The following HECW2 variants were observed in gnomAD, a reference collection of about 807,000 sequenced individuals.
HECW2 encodes E3 ubiquitin-protein ligase HECW2.
A neutral mutation model predicts 175.2 loss-of-function variants in HECW2; 61 were observed. The ratio of observed to expected loss-of-function variants is 0.35; its 90% CI spans 0.28 to 0.43. The LOEUF (loss-of-function observed/expected upper bound fraction) is 0.43. Among genes scored for constraint, HECW2 ranks in the 20% least tolerant of loss-of-function variants. The pLI, the probability that HECW2 is intolerant of heterozygous loss-of-function variation, is 1.00. For missense variants in HECW2, 1,524 were observed against 2,000.5 expected (o/e 0.76, Z 4.54); for synonymous variants, 671 against 731.0 (o/e 0.92, Z 1.32).
rs770718625 is a variant in HECW2 at position 196,216,028 on chromosome 2, C to G, written c.4495-51G>C. ...GAAGGTGAAGCCAGAGACCAACAGC[C>G]AGGAAAGGCATCACGTCATTCACGG... On this transcript the variant is annotated intron_variant, in intron 27 of 28. Transcript: ENST00000644978. The G allele has an allele frequency of 4.7e-6, 6 of 1,276,390 alleles. No individual in the cohort carries two copies. In the African/African-American group the frequency reaches 5.9e-5, roughly 12 times the overall value. 79.1% of individuals were successfully genotyped at this position (1,276,390 alleles called of 1,614,324 possible).
chr2:196,537,170 T>G (rs1320378521), intron 1 of HECW2, among the ~76,000 whole-genome samples: 1 of 152,144 alleles, frequency 6.6e-6, no homozygotes, highest in South Asian at 2.1e-4. Flanking sequence ...TGAGCTTTGG[T>G]GGAAGAACCT....
At chr2:196,355,731 G>A (rs948785891) in intron 2 of HECW2, among the ~76,000 whole-genome samples, 11 of 152,210 alleles carry the variant, frequency 7.2e-5, no homozygotes, top group African/African-American at 2.2e-4. Context: ...TTGGGTAGGA[G>A]TAAAAGAGTC....
intron 19 of HECW2, among the ~76,000 whole-genome samples, chr2:196,248,587 G>C (rs6758177): frequency 1.4e-4 from 5 of 37,000 alleles, no homozygotes; most frequent in African/African-American, 2.1e-4. Flanking sequence ...GAGAGAGAGA[G>C]AGACAGACAG....
intron 6 of HECW2, among the ~76,000 whole-genome samples, chr2:196,323,823 C>T (rs1210458670): frequency 2.0e-5 from 3 of 150,692 alleles, no homozygotes; most frequent in Non-Finnish European, 2.9e-5. Flanking sequence ...TATGTGCTTT[C>T]TAGAATCATA....
At chr2:196,370,132 T>C (rs1693865719) in intron 2 of HECW2, among the ~76,000 whole-genome samples, 2 of 151,814 alleles carry the variant, frequency 1.3e-5, no homozygotes, top group African/African-American at 4.8e-5. Flanking sequence ...TGCTGGGTCA[T>C]ACCTGAAGCC....
At chr2:196,216,381 C>T (rs142148237) in intron 27 of HECW2, among the ~76,000 whole-genome samples, 4 of 152,072 alleles carry the variant, frequency 2.6e-5, no homozygotes, top group Admixed American at 1.3e-4. Context: ...ATTTTGAGGC[C>T]CAGACCCTTA....
At chr2:196,457,772 A>C (rs1696571178) in intron 1 of HECW2, among the ~76,000 whole-genome samples, 1 of 152,058 alleles carries the variant, frequency 6.6e-6, no homozygotes, top group Non-Finnish European at 1.5e-5. Flanking sequence ...CAGGTCTTTC[A>C]CTTCTATTCT....
chr2:196,235,244 C>T (rs981869464), intron 21 of HECW2, among the ~76,000 whole-genome samples: 2 of 151,858 alleles, frequency 1.3e-5, no homozygotes, highest in Admixed American at 6.6e-5. Flanking sequence ...AGTACAGGCA[C>T]TCACCACCAT....
At chr2:196,522,085 T>G (rs1380098221) in intron 1 of HECW2, among the ~76,000 whole-genome samples, 1 of 152,222 alleles carries the variant, frequency 6.6e-6, no homozygotes, top group Non-Finnish European at 1.5e-5. Context: ...TTGAACTAGT[T>G]TACAATCCCA....
At chr2:196,567,079 A>T (rs1690215587) in intron 1 of HECW2, among the ~76,000 whole-genome samples, 1 of 152,182 alleles carries the variant, frequency 6.6e-6, no homozygotes, top group Admixed American at 6.5e-5. Flanking sequence ...CTCACTGATG[A>T]AATGTTAGTG....
At chr2:196,295,888 A>G (rs1190130701) in intron 13 of HECW2, among the ~76,000 whole-genome samples, 1 of 152,212 alleles carries the variant, frequency 6.6e-6, no homozygotes, top group East Asian at 1.9e-4. Flanking sequence ...GTATGGTGCC[A>G]AACACATCTG....
chr2:196,292,703 G>T lies in HECW2; in HGVS notation c.2862C>A (p.Ile954=). The part of the protein sequence containing the change: ...FTNNTCLKHM[I]TKVRRDTHHF... ...GGTGGGTGTCCCTCCGGACTTTGGT[G>T]ATCATGTGCTTCAAACACGTGTTGT... Residue 954 remains isoleucine (I), a synonymous_variant, in exon 14 of 29, where the codon ATC becomes ATA. Transcript: ENST00000644978. 6.2e-7 allele frequency: 1 copy of T among 1,614,038 alleles called. No individual in the cohort carries two copies.
At chr2:196,507,941 A>T (rs902536044) in intron 1 of HECW2, among the ~76,000 whole-genome samples, 1 of 152,176 alleles carries the variant, frequency 6.6e-6, no homozygotes, top group Non-Finnish European at 1.5e-5. Context: ...CTGTGACATT[A>T]ACACTCCTCT....
chr2:196,216,018 G>T, intron 27 of HECW2, 41 bp from the exon 28 acceptor site: 1 of 1,408,764 alleles, frequency 7.1e-7, no homozygotes, highest in Non-Finnish European at 1.0e-6. Flanking sequence ...TGAAGCCAGA[G>T]ACCAACAGCC....
chr2:196,258,287 A>G (rs1442829039), intron 17 of HECW2, among the ~76,000 whole-genome samples: 4 of 152,200 alleles, frequency 2.6e-5, no homozygotes, highest in Non-Finnish European at 5.9e-5. Context: ...CTGTTCCAAA[A>G]AGGGATTGTG....
At position 196,253,939 on chromosome 2, in the gene HECW2, T is replaced by A; in HGVS notation, c.3510A>T (p.Ser1170=). 6.2e-7 allele frequency: 1 copy of A among 1,613,986 alleles called. No homozygotes were observed. The highest frequency in any genetic ancestry group is 8.5e-7 in the Non-Finnish European group (1 of 1,179,916). The change falls in exon 19 of 29, where the codon TCA becomes TCT. Residue 1170 remains serine, a synonymous_variant. Transcript: ENST00000644978. ...ACTCACCTGGCGAGTTCTGAGGAGATGACACGGGAGAGCCACGTGGGGACT... is the reference window on the plus strand; with the variant it reads ...ACTCACCTGGCGAGTTCTGAGGAGAAGACACGGGAGAGCCACGTGGGGACT... ...YCQSPRGSPV[S]SPQNSPGTQR...
At chr2:196,331,552 T>C (rs1384691765) in intron 4 of HECW2, among the ~76,000 whole-genome samples, 1 of 152,242 alleles carries the variant, frequency 6.6e-6, no homozygotes, top group Non-Finnish European at 1.5e-5. Context: ...TAAATGAGTT[T>C]AATGAGGCTG....
intron 3 of HECW2, among the ~76,000 whole-genome samples, chr2:196,335,138 C>T (rs145058511): frequency 0.015 from 2,295 of 152,320 alleles, 15 homozygotes; most frequent in Non-Finnish European, 0.022. Context: ...CATTTAAATA[C>T]ACCCAGTAGA....
chr2:196,300,870 T>TC (rs897725288), intron 13 of HECW2, among the ~76,000 whole-genome samples: 2 of 151,366 alleles, frequency 1.3e-5, no homozygotes, highest in Non-Finnish European at 2.9e-5. Flanking sequence ...GTTGCTCTTT[T>TC]TTTTTCTTCA....
Sources: allele counts gnomAD v4.1 joint callset (sites outside exome capture counted in the v4.1 genomes callset), GRCh38; gene constraint gnomAD v4.1.1; transcripts MANE v1.5; gene names NCBI Gene and HGNC (gene_info 2026-07-23, HGNC 2026-07-21).